Variants in ARX observed in about 807,000 individuals in gnomAD.
ARX encodes the protein homeobox protein ARX.
ARX carries 1 observed loss-of-function variant against 23.1 expected under a neutral mutation model. The observed-to-expected ratio is 0.04, with a 90% CI of 0.02 to 0.21. The LOEUF (loss-of-function observed/expected upper bound fraction) is 0.21, where lower values mean the gene tolerates loss of function less well. Among genes scored for constraint, ARX ranks in the 10% least tolerant of loss-of-function variants. The pLI is 1.00. For missense variants in ARX, 380 were observed against 527.5 expected (o/e 0.72, Z 2.74); for synonymous variants, 301 against 270.1 (o/e 1.11, Z -1.12).
chrX:25,009,268 ATCT>A (rs1178825910), intron 3 of ARX, among the ~76,000 whole-genome samples: 6 of 111,616 alleles, frequency 5.4e-5, no homozygotes, highest in Admixed American at 9.5e-5. Context: ...ACTTAATTAC[ATCT>A]TCTCCAGTGA....
Position 25,004,668 on chromosome X carries a change from C to G in ARX, c.*2G>C, listed in dbSNP as rs1057522298. The G allele has an allele frequency of 4.8e-5, 56 of 1,165,091 alleles. No homozygotes were observed. Among genetic ancestry groups the G allele is most frequent in the Non-Finnish European group, 6.4e-5 (56 of 872,718 alleles). On this transcript the variant is annotated 3_prime_UTR_variant, in exon 5 of 5. Coordinates refer to ENST00000379044, the MANE Select transcript of ARX (RefSeq NM_139058.3). ...GCGGGGCGCGGGTGTGGAGGGCAGCCTTTAGCACACCTCCTTGCCCGTGCT... is the reference window on the plus strand; with the variant it reads ...GCGGGGCGCGGGTGTGGAGGGCAGCGTTTAGCACACCTCCTTGCCCGTGCT...
At chrX:25,009,095 G>A (rs2048690973) in intron 3 of ARX, among the ~76,000 whole-genome samples, 1 of 111,669 alleles carries the variant, frequency 9.0e-6, no homozygotes, top group African/African-American at 3.3e-5. Flanking sequence ...GGGGGCAGTG[G>A]ACTCAGAATG....
chrX:25,015,712 C>T lies in ARX; in HGVS notation c.26G>A (p.Gly9Asp), dbSNP rs769971184. The T allele has an allele frequency of 8.3e-7, 1 of 1,201,469 alleles. No individual in the cohort carries two copies. Among genetic ancestry groups the T allele is most frequent in the South Asian group, 1.8e-5 (1 of 55,334 alleles). Residue 9 changes from glycine to aspartate, a missense_variant, in exon 1 of 5, where the codon GGC becomes GAC. This residue lies in a region of ARX where 235 missense variants were observed against 270.2 expected (regional missense o/e 0.87). Coordinates refer to ENST00000379044, the MANE Select transcript of ARX (RefSeq NM_139058.3). Reference sequence around the variant, plus strand: ...TTTGCACTCGGGCCTCTCGGAGCAGCCCTCCTCCTGGTACTGATTGCTCAT... The same window carrying T: ...TTTGCACTCGGGCCTCTCGGAGCAGTCCTCCTCCTGGTACTGATTGCTCAT... The part of the protein sequence containing the change: MSNQYQEE[G>D]CSERPECKSK...
Position 25,012,915 on chromosome X carries a change from C to G in ARX, c.1073+7G>C, listed in dbSNP as rs1481390305. ...CCGCTGCGACCGCGACCACCCTACGCGCATACCTGGTGAAGACGTCCGGGT... is the reference window on the plus strand; with the variant it reads ...CCGCTGCGACCGCGACCACCCTACGGGCATACCTGGTGAAGACGTCCGGGT... On this transcript the variant is annotated splice_region_variant and intron_variant, in intron 2 of 4. Transcript: ENST00000379044. 8.3e-7 allele frequency: 1 copy of G among 1,203,570 alleles called. No homozygotes were observed. The highest frequency in any genetic ancestry group is 3.0e-4 in the Middle Eastern group (1 of 3,293).
chrX:25,005,017 C>A, intron 4 of ARX, 107 bp from the exon 5 acceptor site: 1 of 1,004,608 alleles, frequency 1.0e-6, no homozygotes, highest in South Asian at 3.1e-5. Flanking sequence ...GCGCGGTACC[C>A]ACGGGACCCG....
Position 25,007,267 on chromosome X carries a change from G to C in ARX, c.1292C>G (p.Thr431Ser). 5 of 1,119,828 alleles carry C rather than the reference G, an allele frequency of 4.5e-6. No homozygotes were observed. The highest frequency in any genetic ancestry group is 2.2e-5 in the South Asian group (1 of 45,932). 92.3% of individuals were successfully genotyped at this position (1,119,828 alleles called of 1,213,427 possible). Residue 431 changes from threonine to serine, a missense_variant, in exon 4 of 5, where the codon ACT (threonine) becomes AGT (serine). Around this residue, in one of 3 missense-constraint regions of ARX, gnomAD observed 121 missense variants for 169.7 expected, o/e 0.71. Coordinates refer to ENST00000379044, the MANE Select transcript of ARX (RefSeq NM_139058.3). ...GGCGGCGGCGGCGGCGGCAGCGGCA[G>C]TCCAAGCGGAGTCGAGCGCCGGGTG... Reference protein sequence around the residue: ...PHHPALDSAWTAAAAAAAAAF... With the variant: ...PHHPALDSAWSAAAAAAAAAF...
At chrX:25,007,887 G>T (rs1015764650) in intron 3 of ARX, among the ~76,000 whole-genome samples, 2 of 110,801 alleles carry the variant, frequency 1.8e-5, no homozygotes, top group Non-Finnish European at 3.8e-5. Flanking sequence ...GTAAAATAAG[G>T]CAAGTGAAAG....
Position 25,004,230 on chromosome X carries a change from G to A in ARX, c.*440C>T, listed in dbSNP as rs1255722945. 7.2e-6 allele frequency: 1 copy of A among 138,095 alleles called. No homozygotes were observed. Among genetic ancestry groups the A allele is most frequent in the Non-Finnish European group, 1.4e-5 (1 of 72,340 alleles). The allele number at this position is 138,095 out of a possible 1,213,427, so 11.4% of individuals were successfully genotyped here. On this transcript the variant is annotated 3_prime_UTR_variant, in exon 5 of 5. Transcript: ENST00000379044. ...GCTTCACGCTGGGGCCCTCGCTGGG[G>A]AGATCAACTTCGAGCGCCAAAATGC...
chrX:25,013,988 CCTT>C (rs1303609521), intron 1 of ARX, among the ~76,000 whole-genome samples, 190 bp from the exon 2 acceptor site: 4 of 112,190 alleles, frequency 3.6e-5, no homozygotes, highest in Non-Finnish European at 7.5e-5. Context: ...TTCTTTCTCT[CCTT>C]CTCCCTTTCT....
At position 25,003,822 on chromosome X, in the gene ARX, G is replaced by A. The variant is rs1275016211; in HGVS notation, c.*848C>T. On this transcript the variant is annotated 3_prime_UTR_variant, in exon 5 of 5. Coordinates refer to ENST00000379044, the MANE Select transcript of ARX (RefSeq NM_139058.3). ...TGCCTTTATCTTGAAGGTTTCGGAA[G>A]CCTCTACAGTTAATAAGTTAAATAA... The A allele has an allele frequency of 9.0e-6, 1 of 111,729 alleles. No homozygotes were observed. The highest frequency in any genetic ancestry group is 3.3e-5 in the African/African-American group (1 of 30,685). 9.2% of individuals were successfully genotyped at this position (111,729 alleles called of 1,213,427 possible).
intron 1 of ARX, among the ~76,000 whole-genome samples, chrX:25,014,060 C>T (rs1466774024): frequency 9.1e-6 from 1 of 110,055 alleles, no homozygotes; most frequent in Non-Finnish European, 1.9e-5. Context: ...CTCTCACTCT[C>T]CCCCTTTTAT....
chrX:25,010,357 C>A, intron 2 of ARX, 52 bp from the exon 3 acceptor site: 1 of 1,182,912 alleles, frequency 8.5e-7, no homozygotes, highest in Non-Finnish European at 1.1e-6. Flanking sequence ...CCAGCAATGC[C>A]CTCTCAGCTA....
Position 25,013,404 on chromosome X carries a change from GC to G in ARX, c.590del (p.Gly197AlafsTer128). 1 of 1,009,739 alleles carries G rather than the reference GC, an allele frequency of 9.9e-7. No homozygotes were observed. 83.2% of individuals were successfully genotyped at this position (1,009,739 alleles called of 1,213,427 possible). The part of the protein sequence containing the change: ...PALDELGGPG[G>X]VTHPEERLGV... ...CGAGGCGCTCCTCCGGGTGCGTGAC[GC>G]CCCCCGGGCCGCCCAGCTCGTCCAG... On this transcript the variant is annotated frameshift_variant, in exon 2 of 5. Transcript: ENST00000379044. LOFTEE classifies it high-confidence loss of function.
At position 25,013,434 on chromosome X, in the gene ARX, GGGC is replaced by G. The variant is rs1308129416; in HGVS notation, c.558_560del (p.Pro187del). 6.4e-6 allele frequency: 6 copies of G among 939,482 alleles called. No homozygotes were observed. Among genetic ancestry groups the G allele is most frequent in the East Asian group, 1.0e-4 (2 of 19,885 alleles). 77.4% of individuals were successfully genotyped at this position (939,482 alleles called of 1,213,427 possible). ...CCGGGCCGCCCAGCTCGTCCAGCGC[GGGC>G]GGCGGCGGCACGAAGGGCGCCCCGT... On this transcript the variant is annotated inframe_deletion, in exon 2 of 5. Transcript: ENST00000379044.
rs990653917 is a variant in ARX, at chrX:25,007,263, G to C, written c.1296C>G (p.Ala432=). Residue 432 remains alanine, a synonymous_variant, in exon 4 of 5, where the codon GCC becomes GCG. Transcript: ENST00000379044. ...AGGCGGCGGCGGCGGCGGCGGCAGC[G>C]GCAGTCCAAGCGGAGTCGAGCGCCG... ...HHPALDSAWT[A]AAAAAAAAFP... is the part of the protein sequence containing the mutation. 8.9e-7 allele frequency: 1 copy of C among 1,118,196 alleles called. No homozygotes were observed. Among genetic ancestry groups the C allele is most frequent in the Non-Finnish European group, 1.2e-6 (1 of 856,239 alleles). 92.2% of individuals were successfully genotyped at this position (1,118,196 alleles called of 1,213,427 possible).
chrX:25,004,142 G>A lies in ARX; in HGVS notation c.*528C>T. 1 of 118,052 alleles carries A rather than the reference G, an allele frequency of 8.5e-6. No individual in the cohort carries two copies. The highest frequency in any genetic ancestry group is 1.8e-5 in the Non-Finnish European group (1 of 57,087). 9.7% of individuals were successfully genotyped at this position (118,052 alleles called of 1,213,427 possible). ...ATAAAGAAGAGAACAAGAACAAGACGCCCCTTTCCTTTAAGTGCACTGTTA... is the reference window on the plus strand; with the variant it reads ...ATAAAGAAGAGAACAAGAACAAGACACCCCTTTCCTTTAAGTGCACTGTTA... On this transcript the variant is annotated 3_prime_UTR_variant, in exon 5 of 5. Coordinates refer to ENST00000379044, the MANE Select transcript of ARX (RefSeq NM_139058.3).
chrX:25,012,776 G>T, intron 2 of ARX, 146 bp downstream of exon 2: 2 of 1,083,047 alleles, frequency 1.8e-6, no homozygotes, highest in Non-Finnish European at 2.4e-6. Flanking sequence ...GGTGAGCAAG[G>T]GTGGGTGTGT....
intron 1 of ARX, among the ~76,000 whole-genome samples, chrX:25,014,620 G>C (rs755338792): frequency 8.8e-6 from 1 of 113,187 alleles, no homozygotes; most frequent in Non-Finnish European, 1.9e-5. Context: ...AGTGCAGCAG[G>C]CGCAGGCCGC....
chrX:25,008,937 C>T (rs898873388), intron 3 of ARX, among the ~76,000 whole-genome samples: 1 of 112,085 alleles, frequency 8.9e-6, no homozygotes, highest in African/African-American at 3.3e-5. Context: ...TTGTGAATTT[C>T]AGAAACACTT....
Sources: allele counts gnomAD v4.1 joint callset (sites outside exome capture counted in the v4.1 genomes callset), GRCh38; gene constraint gnomAD v4.1.1; regional missense constraint gnomAD v4.1.1; transcripts MANE v1.5; gene names NCBI Gene and HGNC (gene_info 2026-07-23, HGNC 2026-07-21).